The following WBP1L variants were observed in gnomAD, a reference collection of about 807,000 sequenced individuals.
The protein encoded by WBP1L is WW domain binding protein 1-like.
WBP1L carries 17 observed loss-of-function variants against 33.7 expected under a neutral mutation model. The observed-to-expected ratio is 0.50, with a 90% CI of 0.34 to 0.76. The LOEUF (loss-of-function observed/expected upper bound fraction) is 0.76. Ranked by LOEUF, WBP1L falls within the 30% of genes least tolerant of loss-of-function variation. WBP1L has a pLI of 0.01. For missense variants in WBP1L, 389 were observed against 469.4 expected, an observed-to-expected ratio of 0.83 and a Z score of 1.58; for synonymous variants, 173 against 190.8, an observed-to-expected ratio of 0.91 and a Z score of 0.77.
intron 1 of WBP1L, among the ~76,000 whole-genome samples, chr10:102,767,030 G>A (rs1468365291): frequency 2.0e-5 from 3 of 152,122 alleles, no homozygotes; most frequent in Non-Finnish European, 2.9e-5. Context: ...CAGTATGGTT[G>A]GGGTTAAACT....
At chr10:102,749,041 G>A (rs2134023675) in intron 1 of WBP1L, among the ~76,000 whole-genome samples, 1 of 152,246 alleles carries the variant, frequency 6.6e-6, no homozygotes. Context: ...AGGCTCGAAA[G>A]AGAGGCTGTT....
intron 1 of WBP1L, among the ~76,000 whole-genome samples, chr10:102,752,381 G>T (rs1323755821): frequency 6.6e-6 from 1 of 152,182 alleles, no homozygotes; most frequent in Admixed American, 6.5e-5. Context: ...CGAGTTTTCG[G>T]TGGGACTTGA....
Position 102,767,430 on chromosome 10 carries a change from G to A in WBP1L, c.90+23287G>A, listed in dbSNP as rs1476264076. Among the ~76,000 whole-genome samples the A allele has an allele frequency of 3.3e-5, 5 of 152,244 alleles. No individual in the cohort carries two copies. In the East Asian group the frequency reaches 9.6e-4, roughly 29 times the overall value. ...CCAGTTACTCAGGAGCCTGAGGTGG[G>A]AGGCTCACTTGAACCCAGGATTTTG... On this transcript the variant is annotated intron_variant, in intron 1 of 3. Coordinates refer to ENST00000448841, the MANE Select transcript of WBP1L (RefSeq NM_001083913.2).
At chr10:102,772,558 C>CTTTTTTTTT (rs34624231) in intron 1 of WBP1L, among the ~76,000 whole-genome samples, 1 of 64,714 alleles carries the variant, frequency 1.5e-5, no homozygotes, top group Non-Finnish European at 3.1e-5. Flanking sequence ...ATGCCCGGCC[C>CTTTTTTTTT]TTTTTTTTTT....
intron 2 of WBP1L, among the ~76,000 whole-genome samples, chr10:102,806,047 A>C (rs1843728875): frequency 1.3e-5 from 1 of 79,952 alleles, no homozygotes; most frequent in Admixed American, 1.4e-4. Context: ...CTAAAAATAC[A>C]AAAAAAAAAA....
At chr10:102,757,209 G>C (rs1165154816) in intron 1 of WBP1L, among the ~76,000 whole-genome samples, 5 of 152,046 alleles carry the variant, frequency 3.3e-5, no homozygotes, top group Non-Finnish European at 7.4e-5. Flanking sequence ...ATTTTTTATA[G>C]AGACAGGGTC....
At chr10:102,772,629 G>T (rs1843206306) in intron 1 of WBP1L, among the ~76,000 whole-genome samples, 1 of 140,248 alleles carries the variant, frequency 7.1e-6, no homozygotes, top group South Asian at 2.2e-4. Context: ...GAGTGCAGTG[G>T]TGTGATCTTG....
chr10:102,810,405 C>G (rs1400344099), intron 3 of WBP1L, among the ~76,000 whole-genome samples: 3 of 127,938 alleles, frequency 2.3e-5, no homozygotes, highest in Non-Finnish European at 4.9e-5. Context: ...CTCTTTCTTT[C>G]TTTCTTTCTT....
At chr10:102,776,268 T>C (rs1413099305) in intron 1 of WBP1L, 2 of 1,603,080 alleles carry the variant, frequency 1.2e-6, no homozygotes, top group African/African-American at 2.7e-5. Flanking sequence ...TCTGCTTTGC[T>C]AAAGAAGGCC....
chr10:102,749,315 C>T (rs149119839), intron 1 of WBP1L, among the ~76,000 whole-genome samples: 1 of 152,200 alleles, frequency 6.6e-6, no homozygotes, highest in East Asian at 1.9e-4. Flanking sequence ...GGGTTTCTGT[C>T]GCTGGAATGC....
intron 1 of WBP1L, among the ~76,000 whole-genome samples, chr10:102,754,952 T>C (rs552630530): frequency 1.3e-5 from 2 of 152,028 alleles, no homozygotes; most frequent in South Asian, 4.1e-4. Flanking sequence ...TAAAATACCT[T>C]TCACCTTTTT....
chr10:102,803,733 C>A (rs935693397), intron 2 of WBP1L, among the ~76,000 whole-genome samples: 1 of 151,814 alleles, frequency 6.6e-6, no homozygotes, highest in Non-Finnish European at 1.5e-5. Flanking sequence ...CTCAGCCTCC[C>A]GAGTGGCTGG....
chr10:102,774,526 G>A (rs1489739583), intron 1 of WBP1L, among the ~76,000 whole-genome samples: 2 of 152,184 alleles, frequency 1.3e-5, no homozygotes, highest in Non-Finnish European at 2.9e-5. Flanking sequence ...ATGTGACCTT[G>A]ACCATCATTG....
chr10:102,746,266 A>G (rs1030350551), intron 1 of WBP1L: 9 of 634,144 alleles, frequency 1.4e-5, no homozygotes, highest in Non-Finnish European at 1.8e-5. Context: ...TGGCACTTCT[A>G]ATACTTAATT....
At chr10:102,807,433 A>G (rs571643504) in intron 2 of WBP1L, among the ~76,000 whole-genome samples, 6 of 152,004 alleles carry the variant, frequency 3.9e-5, no homozygotes, top group Non-Finnish European at 5.9e-5. Flanking sequence ...GCTGGAGTGC[A>G]GTGGCGTGAT....
intron 2 of WBP1L, 103 bp from the exon 3 acceptor site, chr10:102,809,790 T>C: frequency 2.2e-6 from 3 of 1,357,712 alleles, no homozygotes; most frequent in South Asian, 2.9e-5. Flanking sequence ...CCATGCCAGC[T>C]TCAACCACGT....
chr10:102,764,997 C>T (rs920589946), intron 1 of WBP1L, among the ~76,000 whole-genome samples: 3 of 152,186 alleles, frequency 2.0e-5, no homozygotes, highest in African/African-American at 7.2e-5. Context: ...CATGGCCCAG[C>T]TCTGCTTTGA....
Position 102,743,948 on chromosome 10 carries a change from G to C in WBP1L, c.-106G>C, listed in dbSNP as rs934723022. ...GCAGAGCCGGAAGCGGGAGGGGAGC[G>C]TCAAACAGGAAAAGAAGGGAAGAAG... On this transcript the variant is annotated 5_prime_UTR_variant, in exon 1 of 4. Transcript: ENST00000448841. 1.1e-6 allele frequency: 1 copy of C among 904,818 alleles called. No individual in the cohort carries two copies. Among genetic ancestry groups the C allele is most frequent in the Non-Finnish European group, 1.7e-6 (1 of 602,572 alleles). 56.0% of individuals were successfully genotyped at this position (904,818 alleles called of 1,614,324 possible).
At chr10:102,764,377 C>T (rs1174632352) in intron 1 of WBP1L, among the ~76,000 whole-genome samples, 1 of 152,186 alleles carries the variant, frequency 6.6e-6, no homozygotes, top group Non-Finnish European at 1.5e-5. Context: ...AAGCTTTAGG[C>T]ACGTCTGACC....
Sources: allele counts gnomAD v4.1 joint callset (sites outside exome capture counted in the v4.1 genomes callset), GRCh38; gene constraint gnomAD v4.1.1; transcripts MANE v1.5; gene names NCBI Gene and HGNC (gene_info 2026-07-23, HGNC 2026-07-21).